RYR3: variants seen among roughly 807,000 people sequenced by gnomAD.
The protein encoded by RYR3 is ryanodine receptor 3.
Under a neutral mutation model 584.3 loss-of-function variants are expected in RYR3, and 207 were observed. That is an observed-to-expected ratio of 0.35 (90% CI 0.32 to 0.40). The LOEUF (loss-of-function observed/expected upper bound fraction) is 0.40. RYR3 is among the 10% of genes least tolerant of loss of function. RYR3 has a pLI of 1.00. For missense variants in RYR3, 5,616 were observed against 6,089.2 expected (o/e 0.92, Z 2.59); for synonymous variants, 2,416 against 2,248.5 (o/e 1.07, Z -2.11).
chr15:33,698,352 A>C (rs981367943), intron 40 of RYR3, among the ~76,000 whole-genome samples: 8 of 152,192 alleles, frequency 5.3e-5, no homozygotes, highest in Admixed American at 5.2e-4. Flanking sequence ...GTTCTAAAGG[A>C]GAACAAGATC....
intron 10 of RYR3, among the ~76,000 whole-genome samples, chr15:33,551,694 C>T (rs1452297179): frequency 6.6e-6 from 1 of 152,170 alleles, no homozygotes; most frequent in Non-Finnish European, 1.5e-5. Context: ...CTTCCAATGG[C>T]TATTGACTCT....
At chr15:33,704,633 G>A (rs989195620) in intron 42 of RYR3, among the ~76,000 whole-genome samples, 7 of 152,202 alleles carry the variant, frequency 4.6e-5, no homozygotes, top group Non-Finnish European at 1.0e-4. Context: ...GTGGTATGAC[G>A]ATAACCGATG....
At chr15:33,544,407 C>T (rs748255029) in intron 8 of RYR3, among the ~76,000 whole-genome samples, 46 of 152,100 alleles carry the variant, frequency 3.0e-4, no homozygotes, top group African/African-American at 1.0e-3. Context: ...GAGTCTGATC[C>T]GGTGATCATG....
rs1029625109 is a variant in RYR3, at chr15:33,316,663, C to T, written c.51+5567C>T. 3.3e-5 allele frequency among the ~76,000 whole-genome samples: 5 copies of T among 152,260 alleles called. No individual in the cohort carries two copies. In the East Asian group the frequency reaches 9.6e-4, roughly 29 times the overall value. ...TTTTTCCCACTGTATGGAGATAGAACCTGCGTTAACAGAAGTGTTGAGAGA... is the reference window on the plus strand; with the variant it reads ...TTTTTCCCACTGTATGGAGATAGAATCTGCGTTAACAGAAGTGTTGAGAGA... On this transcript the variant is annotated intron_variant, in intron 1 of 103. Coordinates refer to ENST00000634891, the MANE Select transcript of RYR3 (RefSeq NM_001036.6).
At chr15:33,703,251 G>A (rs2066437324) in intron 42 of RYR3, among the ~76,000 whole-genome samples, 1 of 152,214 alleles carries the variant, frequency 6.6e-6, no homozygotes, top group Admixed American at 6.5e-5. Context: ...AAACGCCCGT[G>A]TTTGTGCAGC....
At chr15:33,732,240 T>C (rs1357571236) in intron 48 of RYR3, among the ~76,000 whole-genome samples, 1 of 138,922 alleles carries the variant, frequency 7.2e-6, no homozygotes, top group Non-Finnish European at 1.6e-5. Context: ...AAAAAAAAAA[T>C]AGCCGGGTAT....
At chr15:33,563,921 G>A (rs1429055985) in intron 11 of RYR3, among the ~76,000 whole-genome samples, 1 of 152,194 alleles carries the variant, frequency 6.6e-6, no homozygotes. Flanking sequence ...AATCTGGCTT[G>A]TATGAGACCA....
At chr15:33,768,596 G>T in intron 60 of RYR3, 62 bp from the exon 61 acceptor site, 1 of 1,397,232 alleles carries the variant, frequency 7.2e-7, no homozygotes, top group Non-Finnish European at 1.0e-6. Flanking sequence ...TGGGGTGGGG[G>T]ATACAAAGCG....
intron 2 of RYR3, among the ~76,000 whole-genome samples, chr15:33,501,376 A>C (rs1050010716): frequency 1.3e-5 from 2 of 152,222 alleles, no homozygotes; most frequent in Admixed American, 6.5e-5. Context: ...GTAAGGGCAG[A>C]ATCTTTAGCA....
At chr15:33,745,115 GA>G (rs2070561522) in intron 52 of RYR3, among the ~76,000 whole-genome samples, 1 of 152,158 alleles carries the variant, frequency 6.6e-6, no homozygotes, top group Admixed American at 6.5e-5. Context: ...CAAATGATGG[GA>G]GGGGTACAGG....
At chr15:33,768,985 A>C (rs2073339798) in intron 61 of RYR3, 127 bp from the exon 62 acceptor site, 2 of 772,822 alleles carry the variant, frequency 2.6e-6, no homozygotes, top group Admixed American at 1.9e-5. Context: ...CGCTGAACAC[A>C]GGCCCAGGAC....
intron 43 of RYR3, among the ~76,000 whole-genome samples, chr15:33,715,783 G>T (rs1235531066): frequency 6.6e-6 from 1 of 152,100 alleles, no homozygotes; most frequent in Non-Finnish European, 1.5e-5. Flanking sequence ...CAATTGAAGG[G>T]CAAGAGACCA....
chr15:33,699,801 G>A lies in RYR3; in HGVS notation c.6347G>A (p.Ser2116Asn). The change falls in exon 41 of 104, where the codon AGT becomes AAT. Residue 2116 changes from serine (S) to asparagine (N), a missense_variant. By Grantham distance (46) the Ser-to-Asn change is conservative (BLOSUM62 1). Transcript: ENST00000634891. ...CAGAAGGCCATGTTTGAGCATCTGA[G>A]TTATCTTCTGGAGAATAGCAGTGTT... ...QNQKAMFEHL[S>N]YLLENSSVGL... The A allele has an allele frequency of 6.2e-7, 1 of 1,613,878 alleles. No individual in the cohort carries two copies.
chr15:33,712,439 G>A (rs1211982643), intron 43 of RYR3, among the ~76,000 whole-genome samples: 1 of 152,182 alleles, frequency 6.6e-6, no homozygotes, highest in Non-Finnish European at 1.5e-5. Context: ...AAATAAGGAT[G>A]TCAGAAGAAG....
chr15:33,344,756 G>A (rs887786917), intron 1 of RYR3, among the ~76,000 whole-genome samples: 2 of 152,140 alleles, frequency 1.3e-5, no homozygotes, highest in African/African-American at 2.4e-5. Flanking sequence ...GTAAAAATGA[G>A]TTATCACTGC....
intron 38 of RYR3, among the ~76,000 whole-genome samples, chr15:33,689,419 A>G (rs1296878948): frequency 6.6e-6 from 1 of 152,140 alleles, no homozygotes; most frequent in African/African-American, 2.4e-5. Flanking sequence ...TACTATATAT[A>G]TATGTACACA....
intron 3 of RYR3, among the ~76,000 whole-genome samples, chr15:33,510,761 G>GT (rs1476813747): frequency 6.6e-5 from 10 of 151,886 alleles, no homozygotes; most frequent in South Asian, 2.1e-4. Flanking sequence ...GTTTCAATGT[G>GT]TTTTTTTCCA....
chr15:33,398,032 A>G (rs545882009), intron 1 of RYR3, among the ~76,000 whole-genome samples: 27 of 152,348 alleles, frequency 1.8e-4, no homozygotes, highest in African/African-American at 6.5e-4. Flanking sequence ...TGGTATGCCA[A>G]ATATAAAATC....
chr15:33,548,349 CTT>C (rs1292485342), intron 9 of RYR3, 145 bp downstream of exon 9: 8 of 580,828 alleles, frequency 1.4e-5, no homozygotes, highest in Non-Finnish European at 2.4e-5. Flanking sequence ...ATTTCTGTGA[CTT>C]TGTTTTTAAA....
Sources: allele counts gnomAD v4.1 joint callset (sites outside exome capture counted in the v4.1 genomes callset), GRCh38; gene constraint gnomAD v4.1.1; transcripts MANE v1.5; gene names NCBI Gene and HGNC (gene_info 2026-07-23, HGNC 2026-07-21).